GSE1: variants seen among roughly 807,000 people sequenced by gnomAD.
The protein encoded by GSE1 is Gse1 coiled-coil protein.
A neutral mutation model predicts 112.6 loss-of-function variants in GSE1; 32 were observed. The ratio of observed to expected loss-of-function variants is 0.28; its 90% CI spans 0.21 to 0.38. The LOEUF is 0.38. GSE1 is among the 10% of genes least tolerant of loss of function. GSE1 has a pLI of 1.00. For missense variants in GSE1, 2,348 were observed against 1,699.2 expected (o/e 1.38, Z -6.71); for synonymous variants, 1,115 against 735.6 (o/e 1.52, Z -8.35).
At chr16:85,241,034 C>T (rs1905124243) in intron 1 of GSE1, among the ~76,000 whole-genome samples, 1 of 152,200 alleles carries the variant, frequency 6.6e-6, no homozygotes, top group Non-Finnish European at 1.5e-5. Context: ...CCGTTTCCAT[C>T]TTCCATGGAT....
intron 1 of GSE1, among the ~76,000 whole-genome samples, chr16:85,321,126 G>A (rs1278349930): frequency 1.3e-5 from 2 of 152,202 alleles, no homozygotes; most frequent in Non-Finnish European, 2.9e-5. Context: ...CCAGGCAACT[G>A]GAAGGACAGG....
At chr16:85,222,690 A>G (rs563097293) in intron 1 of GSE1, among the ~76,000 whole-genome samples, 2 of 152,298 alleles carry the variant, frequency 1.3e-5, no homozygotes, top group African/African-American at 4.8e-5. Context: ...AACGTGGCCC[A>G]ATTAAAAACG....
At chr16:85,553,788 C>T (rs557928364), upstream of GSE1, among the ~76,000 whole-genome samples, 70 of 152,340 alleles carry the variant, frequency 4.6e-4, no homozygotes, top group Non-Finnish European at 9.0e-4. Context: ...TGCCCCCACT[C>T]CCCCATCTCC....
chr16:85,469,599 GT>G (rs1178350231), intron 2 of GSE1, among the ~76,000 whole-genome samples: 1 of 152,188 alleles, frequency 6.6e-6, no homozygotes, highest in Non-Finnish European at 1.5e-5. Context: ...ATGTGTGATG[GT>G]TAAAAATTCT....
chr16:85,331,373 G>GTATATATATGTATATATATATGTA (rs1555563689), intron 1 of GSE1, among the ~76,000 whole-genome samples: 1 of 84,490 alleles, frequency 1.2e-5, no homozygotes, highest in Non-Finnish European at 2.9e-5. Context: ...GTGTATATAT[G>GTATATATATGTATATATATATGTA]TATATATATG....
At chr16:85,320,086 C>G (rs2046070883) in intron 1 of GSE1, among the ~76,000 whole-genome samples, 1 of 152,190 alleles carries the variant, frequency 6.6e-6, no homozygotes, top group African/African-American at 2.4e-5. Flanking sequence ...AGAAATCTGT[C>G]TGGGAAACTT....
chr16:85,186,089 C>A (rs1025540624), intron 1 of GSE1, among the ~76,000 whole-genome samples: 1 of 152,190 alleles, frequency 6.6e-6, no homozygotes, highest in African/African-American at 2.4e-5. Context: ...GTTCTATGTC[C>A]CCCTAGGCTT....
At chr16:85,191,090 C>G (rs764521605) in intron 1 of GSE1, among the ~76,000 whole-genome samples, 1 of 152,172 alleles carries the variant, frequency 6.6e-6, no homozygotes, top group African/African-American at 2.4e-5. Context: ...GAAACCCTGT[C>G]TCTACTAAAA....
chr16:85,660,437 G>A (rs1450745388), intron 8 of GSE1, among the ~76,000 whole-genome samples: 1 of 152,132 alleles, frequency 6.6e-6, no homozygotes, highest in Non-Finnish European at 1.5e-5. Flanking sequence ...AGGAATTCGA[G>A]AGCAGTCTGG....
intron 2 of GSE1, among the ~76,000 whole-genome samples, chr16:85,441,154 T>C (rs2049366460): frequency 1.3e-5 from 2 of 152,296 alleles, no homozygotes; most frequent in South Asian, 4.1e-4. Flanking sequence ...CTCGGCACTG[T>C]TGGCATTTGG....
At chr16:85,253,054 C>CCCCT in intron 1 of GSE1, among the ~76,000 whole-genome samples, 1 of 61,222 alleles carries the variant, frequency 1.6e-5, no homozygotes, top group Admixed American at 1.3e-4. Flanking sequence ...TCATAGGCGC[C>CCCCT]CCCGCCCCCC....
intron 2 of GSE1, among the ~76,000 whole-genome samples, chr16:85,448,969 CCCCTCCACCCGCTCAG>C (rs1366150009): frequency 1.3e-5 from 2 of 152,322 alleles, no homozygotes; most frequent in Middle Eastern, 3.4e-3. Flanking sequence ...CCTCTCCCCG[CCCCTCCACCCGCTCAG>C]CCCTCACTCG....
At chr16:85,223,255 G>C (rs546714834) in intron 1 of GSE1, among the ~76,000 whole-genome samples, 2 of 152,194 alleles carry the variant, frequency 1.3e-5, no homozygotes, top group Non-Finnish European at 2.9e-5. Context: ...GGGCACGTTG[G>C]CTCACGCCTG....
chr16:85,581,122 G>T (rs1031729301), intron 1 of GSE1, among the ~76,000 whole-genome samples: 1 of 152,188 alleles, frequency 6.6e-6, no homozygotes, highest in Non-Finnish European at 1.5e-5. Context: ...TTGGTGAGGT[G>T]ATCAGCCTGT....
chr16:85,398,507 C>A (rs1050385881), intron 2 of GSE1, among the ~76,000 whole-genome samples: 3 of 152,080 alleles, frequency 2.0e-5, no homozygotes, highest in Non-Finnish European at 4.4e-5. Flanking sequence ...CCCCTGCAAC[C>A]CCCTGAGGCT....
chr16:85,584,158 C>T (rs188460028), intron 1 of GSE1, among the ~76,000 whole-genome samples: 97 of 148,270 alleles, frequency 6.5e-4, no homozygotes, highest in African/African-American at 2.4e-3. Flanking sequence ...CGTGCCGGTG[C>T]GTGGGCCCCT....
chr16:85,274,341 C>T (rs563343507), intron 1 of GSE1, among the ~76,000 whole-genome samples: 3 of 151,940 alleles, frequency 2.0e-5, no homozygotes, highest in Non-Finnish European at 2.9e-5. Context: ...GCTGAGATCA[C>T]GCCACTGCAC....
chr16:85,612,381 G>A (rs2048049679), upstream of GSE1, among the ~76,000 whole-genome samples: 1 of 151,864 alleles, frequency 6.6e-6, no homozygotes, highest in African/African-American at 2.4e-5. Context: ...GCCTGGGTGA[G>A]GTAGGGTGGG....
upstream of GSE1, among the ~76,000 whole-genome samples, chr16:85,610,270 C>G (rs949760962): frequency 6.6e-6 from 1 of 152,240 alleles, no homozygotes; most frequent in African/African-American, 2.4e-5. Flanking sequence ...AGGCCTGGCC[C>G]TGGCACCTAC....
Sources: gnomAD v4.1 joint callset for allele counts (sites outside exome capture counted in the v4.1 genomes callset) on GRCh38, gnomAD v4.1.1 for gene constraint, MANE v1.5 for transcripts, NCBI Gene and HGNC (gene_info 2026-07-23, HGNC 2026-07-21) for gene names.